LRIG2: variants seen among roughly 807,000 people sequenced by gnomAD.
LRIG2 encodes the protein leucine-rich repeats and immunoglobulin-like domains protein 2.
In LRIG2, 93 loss-of-function variants were observed where a neutral mutation model predicts 107.8. The observed-to-expected ratio is 0.86, with a 90% CI of 0.73 to 1.03. The LOEUF is 1.03. LRIG2 is among the 50% of genes least tolerant of loss of function. The probability of loss-of-function intolerance (pLI) is 0.00; values close to 1 mark genes in which losing one functional copy is unlikely to be tolerated. For missense variants in LRIG2, 1,226 were observed against 1,296.0 expected (o/e 0.95, Z 0.83); for synonymous variants, 471 against 470.6 (o/e 1.00, Z -0.01).
At chr1:113,104,303 CTCTT>C (rs951887933) in intron 11 of LRIG2, among the ~76,000 whole-genome samples, 8 of 152,176 alleles carry the variant, frequency 5.3e-5, no homozygotes, top group Admixed American at 5.2e-4. Context: ...TCATTCTGGA[CTCTT>C]TGTCACTGGG....
intron 16 of LRIG2, 75 bp downstream of exon 16, chr1:113,116,511 A>G (rs1177281837): frequency 1.5e-6 from 2 of 1,365,882 alleles, no homozygotes; most frequent in African/African-American, 2.9e-5. Flanking sequence ...TAGTTTCTCC[A>G]TTAATCTGAA....
intron 1 of LRIG2, among the ~76,000 whole-genome samples, chr1:113,088,832 G>A (rs1778017): frequency 0.86 from 131,402 of 152,262 alleles, 59,323 homozygotes; most frequent in Non-Finnish European, 0.98. Context: ...GAGTGTATGT[G>A]TTTATTGTTT....
rs773106429 is a variant in LRIG2 at position 113,124,769 on chromosome 1, T to C, written c.*668T>C. On this transcript the variant is annotated 3_prime_UTR_variant, in exon 18 of 18. Transcript: ENST00000361127. Reference sequence around the variant, plus strand: ...TGTGTTGGCTGCAATGTAAATATTTTTGATATGCCAAAATTATATGTAATA... The same window carrying C: ...TGTGTTGGCTGCAATGTAAATATTTCTGATATGCCAAAATTATATGTAATA... 6.6e-6 allele frequency: 1 copy of C among 152,244 alleles called. No individual in the cohort carries two copies. The highest frequency in any genetic ancestry group is 1.5e-5 in the Non-Finnish European group (1 of 68,070). 9.4% of individuals were successfully genotyped at this position (152,244 alleles called of 1,614,324 possible). A position where few individuals can be genotyped will look rare whatever the true frequency, so the allele number is the denominator to read the frequency against.
In LRIG2 at chr1:113,110,448, A is replaced by C. The variant is rs1654727510; in HGVS notation, c.1684A>C (p.Thr562Pro). The change falls in exon 13 of 18, where the codon ACT becomes CCT. Residue 562 changes from threonine to proline, a missense_variant. By Grantham distance (38) the Thr-to-Pro change is conservative. This residue lies in a region of LRIG2 where 642 missense variants were observed against 712.2 expected (regional missense o/e 0.90). Transcript: ENST00000361127. ...WQQAGEALEY[T>P]SILHLFNVNF... ...GCAAGCTGGAGAAGCTCTGGAATAT[A>C]CTAGTATCTTACATCTTTTCAATGT... 2 of 1,613,788 alleles carry C rather than the reference A, an allele frequency of 1.2e-6. No individual in the cohort carries two copies. Among genetic ancestry groups the C allele is most frequent in the Non-Finnish European group, 1.7e-6 (2 of 1,179,750 alleles).
At chr1:113,080,403 G>A (rs911371625) in intron 1 of LRIG2, among the ~76,000 whole-genome samples, 6 of 149,782 alleles carry the variant, frequency 4.0e-5, no homozygotes, top group African/African-American at 1.5e-4. Flanking sequence ...TTTTGGAGAC[G>A]GAGTCTCGCT....
rs1272984944 is a variant in LRIG2, at chr1:113,126,537, T to C, written c.*2436T>C. The C allele has an allele frequency of 6.6e-6, 1 of 152,258 alleles. No homozygotes were observed. The highest frequency in any genetic ancestry group is 1.5e-5 in the Non-Finnish European group (1 of 68,050). 9.4% of individuals were successfully genotyped at this position (152,258 alleles called of 1,614,324 possible). On this transcript the variant is annotated 3_prime_UTR_variant, in exon 18 of 18. Coordinates refer to ENST00000361127, the MANE Select transcript of LRIG2 (RefSeq NM_014813.3). ...AGATGATGCATATTCATTTTCTGTA[T>C]TCAGCCTTCCATTATTAAGGATAAA...
Position 113,119,209 on chromosome 1 carries a change from T to G in LRIG2, c.2681-24T>G, listed in dbSNP as rs528199452. The stretch of plus-strand genomic sequence containing the variant: ...AAATAATTCCTTAACAGAAAGATAT[T>G]TAGATTCTTTTTCTTGTTATTAGGT... On this transcript the variant is annotated intron_variant, in intron 16 of 17. Coordinates refer to ENST00000361127, the MANE Select transcript of LRIG2 (RefSeq NM_014813.3). The G allele has an allele frequency of 3.1e-6, 5 of 1,589,654 alleles. No individual in the cohort carries two copies. In the Admixed American group the frequency reaches 5.3e-5, roughly 17 times the overall value.
At chr1:113,079,037 G>A (rs967695865) in intron 1 of LRIG2, among the ~76,000 whole-genome samples, 1 of 152,140 alleles carries the variant, frequency 6.6e-6, no homozygotes, top group Admixed American at 6.6e-5. Flanking sequence ...TAAACCACAA[G>A]TTGGTAAATT....
rs1017753829 is a variant in LRIG2 at position 113,125,122 on chromosome 1, G to A, written c.*1021G>A. On this transcript the variant is annotated 3_prime_UTR_variant, in exon 18 of 18. Transcript: ENST00000361127. Reference sequence around the variant, plus strand: ...TCAAGGCTGCAGTGAGCTGTGTGAAGCCACTGCATCCCAGCCTGGGTGACA... The same window carrying A: ...TCAAGGCTGCAGTGAGCTGTGTGAAACCACTGCATCCCAGCCTGGGTGACA... 2.0e-5 allele frequency: 3 copies of A among 152,166 alleles called. No homozygotes were observed. Among genetic ancestry groups the A allele is most frequent in the Admixed American group, 6.5e-5 (1 of 15,276 alleles). 9.4% of individuals were successfully genotyped at this position (152,166 alleles called of 1,614,324 possible). A position where few individuals can be genotyped will look rare whatever the true frequency, so the allele number is the denominator to read the frequency against.
chr1:113,119,598 T>C (rs1269619846), intron 17 of LRIG2, 75 bp downstream of exon 17: 3 of 1,392,732 alleles, frequency 2.2e-6, no homozygotes, highest in Admixed American at 4.4e-5. Context: ...ATATAGGTAG[T>C]GCTCTCATTT....
chr1:113,114,565 AACG>A lies in LRIG2; in HGVS notation c.2222_2224del (p.Arg741del), dbSNP rs779277290. On this transcript the variant is annotated inframe_deletion, in exon 15 of 18. Transcript: ENST00000361127. ...GATGATGGGCCTTTGCTGGTGACAG[AACG>A]ACATTTCTTTGCTGCAGCCAATCAG... 2 of 1,614,124 alleles carry A rather than the reference AACG, an allele frequency of 1.2e-6. No individual in the cohort carries two copies. The highest frequency in any genetic ancestry group is 8.5e-7 in the Non-Finnish European group (1 of 1,180,024).
At chr1:113,097,038 T>A (rs1477258462) in intron 8 of LRIG2, among the ~76,000 whole-genome samples, 1 of 151,268 alleles carries the variant, frequency 6.6e-6, no homozygotes, top group Non-Finnish European at 1.5e-5. Context: ...CTGGCCATCA[T>A]TTTTTTTTCT....
At chr1:113,074,642 C>T (rs1231260442) in intron 1 of LRIG2, among the ~76,000 whole-genome samples, 1 of 152,190 alleles carries the variant, frequency 6.6e-6, no homozygotes. Context: ...GGCGCGGTGG[C>T]TCACGCCTGT....
chr1:113,098,693 A>G lies in LRIG2; in HGVS notation c.1092-12A>G. Reference sequence around the variant, plus strand: ...GACTAATAGCACCTGTCTTTCTCTGACATTTTTGTAGAGACTTAAGAAACA... The same window carrying G: ...GACTAATAGCACCTGTCTTTCTCTGGCATTTTTGTAGAGACTTAAGAAACA... On this transcript the variant is annotated splice_polypyrimidine_tract_variant and intron_variant, in intron 8 of 17. Transcript: ENST00000361127. The G allele has an allele frequency of 3.8e-6, 6 of 1,582,142 alleles. No homozygotes were observed. Among genetic ancestry groups the G allele is most frequent in the Non-Finnish European group, 5.2e-6 (6 of 1,151,038 alleles).
Position 113,080,953 on chromosome 1 carries a change from C to T in LRIG2, c.239+7308C>T, listed in dbSNP as rs927627511. 2.7e-5 allele frequency among the ~76,000 whole-genome samples: 4 copies of T among 148,196 alleles called. No homozygotes were observed. The Admixed American group carries it at 2.8e-4, about 10-fold the overall frequency. ...GTGCTTCCTGGGTTCAAGGGATTCTCCTGCCTCAGCCTCCTGAGTAGCTGG... is the reference window on the plus strand; with the variant it reads ...GTGCTTCCTGGGTTCAAGGGATTCTTCTGCCTCAGCCTCCTGAGTAGCTGG... On this transcript the variant is annotated intron_variant, in intron 1 of 17. Coordinates refer to ENST00000361127, the MANE Select transcript of LRIG2 (RefSeq NM_014813.3).
At chr1:113,080,287 G>A (rs1003406807) in intron 1 of LRIG2, among the ~76,000 whole-genome samples, 1 of 152,132 alleles carries the variant, frequency 6.6e-6, no homozygotes, top group Admixed American at 6.5e-5. Flanking sequence ...CCAAAGTGCT[G>A]GGATTACAGG....
rs1655505392 is a variant in LRIG2 at position 113,126,939 on chromosome 1, T to G, written c.*2838T>G. 6.5e-6 allele frequency: 1 copy of G among 154,722 alleles called. No homozygotes were observed. The highest frequency in any genetic ancestry group is 2.4e-5 in the African/African-American group (1 of 41,468). The allele number at this position is 154,722 out of a possible 1,614,324, so 9.6% of individuals were successfully genotyped here. On this transcript the variant is annotated 3_prime_UTR_variant, in exon 18 of 18. Coordinates refer to ENST00000361127, the MANE Select transcript of LRIG2 (RefSeq NM_014813.3). Reference sequence around the variant, plus strand: ...TGGGCCACATCCATCTTCTTCATTGTCAGAATCTGAGTTTTCTGTCTTGAA... The same window carrying G: ...TGGGCCACATCCATCTTCTTCATTGGCAGAATCTGAGTTTTCTGTCTTGAA...
intron 1 of LRIG2, among the ~76,000 whole-genome samples, chr1:113,083,585 A>G (rs865856443): frequency 6.6e-6 from 1 of 151,476 alleles, no homozygotes; most frequent in African/African-American, 2.4e-5. Flanking sequence ...ACCTCAGGTG[A>G]TCCACCTGCC....
chr1:113,131,380 T>C lies in LRIG2; in HGVS notation c.*7279T>C, dbSNP rs1490230040. ...ATCATTTTAATATCCCCAGAAATGCTAGAAGTGTAAAGGAATAACAGAGGT... is the reference window on the plus strand; with the variant it reads ...ATCATTTTAATATCCCCAGAAATGCCAGAAGTGTAAAGGAATAACAGAGGT... On this transcript the variant is annotated 3_prime_UTR_variant, in exon 18 of 18. Coordinates refer to ENST00000361127, the MANE Select transcript of LRIG2 (RefSeq NM_014813.3). 1 of 152,258 alleles carries C rather than the reference T, an allele frequency of 6.6e-6. No individual in the cohort carries two copies. The highest frequency in any genetic ancestry group is 2.4e-5 in the African/African-American group (1 of 41,472). The allele number at this position is 152,258 out of a possible 1,614,324, so 9.4% of individuals were successfully genotyped here. A position where few individuals can be genotyped will look rare whatever the true frequency, so the allele number is the denominator to read the frequency against.
Sources: allele counts gnomAD v4.1 joint callset (sites outside exome capture counted in the v4.1 genomes callset), GRCh38; gene constraint gnomAD v4.1.1; regional missense constraint gnomAD v4.1.1; transcripts MANE v1.5; gene names NCBI Gene and HGNC (gene_info 2026-07-23, HGNC 2026-07-21).